The following FAM174A variants were observed in gnomAD, a reference collection of about 807,000 sequenced individuals.
FAM174A encodes the protein membrane protein FAM174A.
FAM174A carries 14 observed loss-of-function variants against 14.3 expected under a neutral mutation model. That is an observed-to-expected ratio of 0.98 (90% confidence interval 0.65 to 1.53). The LOEUF (loss-of-function observed/expected upper bound fraction) is 1.53, where lower values mean the gene tolerates loss of function less well. Among genes scored for constraint, FAM174A ranks in the 40% most tolerant of loss-of-function variants. The pLI, the probability that FAM174A is intolerant of heterozygous loss-of-function variation, is 0.00. For missense variants in FAM174A, 241 were observed against 249.6 expected (o/e 0.97, Z 0.23); for synonymous variants, 108 against 111.4 (o/e 0.97, Z 0.19).
intron 2 of FAM174A, chr5:100,581,309 A>G (rs1051491029): frequency 1.1e-6 from 1 of 887,508 alleles, no homozygotes; most frequent in African/African-American, 1.8e-5. Context: ...ATCCTTAGCT[A>G]CTTTTCTCAT....
intron 2 of FAM174A, among the ~76,000 whole-genome samples, chr5:100,584,109 C>T (rs1747073767): frequency 6.6e-6 from 1 of 152,132 alleles, no homozygotes; most frequent in Non-Finnish European, 1.5e-5. Context: ...ATCAGTGGAA[C>T]CAGTCCAGAA....
intron 1 of FAM174A, among the ~76,000 whole-genome samples, chr5:100,542,844 A>ATGTGTG (rs1206412099): frequency 2.7e-5 from 4 of 149,306 alleles, no homozygotes; most frequent in African/African-American, 1.0e-4. Flanking sequence ...TTATATATAT[A>ATGTGTG]TATGTGTGTG....
intron 1 of FAM174A, among the ~76,000 whole-genome samples, chr5:100,545,100 T>C (rs1019512926): frequency 6.6e-6 from 1 of 152,214 alleles, no homozygotes; most frequent in African/African-American, 2.4e-5. Flanking sequence ...TGTCATGATC[T>C]CCAGTGCCCA....
chr5:100,545,927 G>C (rs1361109550), intron 1 of FAM174A, among the ~76,000 whole-genome samples: 3 of 151,884 alleles, frequency 2.0e-5, no homozygotes, highest in African/African-American at 7.3e-5. Context: ...AATTTATATA[G>C]ATGTATACAA....
In FAM174A at chr5:100,535,405, C is replaced by G; in HGVS notation, c.-126C>G. 2 of 1,031,198 alleles carry G rather than the reference C, an allele frequency of 1.9e-6. No homozygotes were observed. Among genetic ancestry groups the G allele is most frequent in the Non-Finnish European group, 2.9e-6 (2 of 699,358 alleles). 63.9% of individuals were successfully genotyped at this position (1,031,198 alleles called of 1,614,324 possible). A position where few individuals can be genotyped will look rare whatever the true frequency, so the allele number is the denominator to read the frequency against. The stretch of plus-strand genomic sequence containing the variant: ...CACTGCTGTAGCTTCTGCCACCTGC[C>G]ACGACCGGGCCTCTCCCTGGCGTTT... On this transcript the variant is annotated 5_prime_UTR_variant, in exon 1 of 3. Transcript: ENST00000312637.
intron 2 of FAM174A, among the ~76,000 whole-genome samples, chr5:100,578,008 C>A (rs965530258): frequency 1.3e-5 from 2 of 152,058 alleles, no homozygotes; most frequent in African/African-American, 4.8e-5. Flanking sequence ...GTGTAGGATA[C>A]AGCATAGCGC....
chr5:100,581,195 G>A (rs1747004241), intron 2 of FAM174A, among the ~76,000 whole-genome samples: 1 of 152,118 alleles, frequency 6.6e-6, no homozygotes, highest in Non-Finnish European at 1.5e-5. Context: ...CTCCCAAAGT[G>A]CAGGGATTAC....
chr5:100,573,989 C>G (rs1033045250), intron 2 of FAM174A, among the ~76,000 whole-genome samples: 1 of 151,938 alleles, frequency 6.6e-6, no homozygotes, highest in African/African-American at 2.4e-5. Context: ...TGTGACATTT[C>G]CTAATAAAAC....
At chr5:100,564,971 C>T (rs949222281) in intron 2 of FAM174A, among the ~76,000 whole-genome samples, 1 of 151,876 alleles carries the variant, frequency 6.6e-6, no homozygotes, top group African/African-American at 2.4e-5. Flanking sequence ...ACTCGTCCTT[C>T]TCAAATTATT....
At chr5:100,573,964 T>A (rs1746849174) in intron 2 of FAM174A, among the ~76,000 whole-genome samples, 1 of 152,110 alleles carries the variant, frequency 6.6e-6, no homozygotes, top group African/African-American at 2.4e-5. Context: ...TGAGGGTTTT[T>A]TTTTCTTAAT....
At chr5:100,537,976 G>GA (rs1266895409) in intron 1 of FAM174A, among the ~76,000 whole-genome samples, 4 of 152,044 alleles carry the variant, frequency 2.6e-5, no homozygotes, top group African/African-American at 9.7e-5. Flanking sequence ...GACAGATACA[G>GA]TCCTTCCAAT....
chr5:100,543,730 A>G (rs1746111376), intron 1 of FAM174A, among the ~76,000 whole-genome samples: 1 of 152,188 alleles, frequency 6.6e-6, no homozygotes, highest in Admixed American at 6.5e-5. Context: ...GGCTGGGACT[A>G]CCGGCCATCA....
intron 2 of FAM174A, among the ~76,000 whole-genome samples, chr5:100,566,360 G>A (rs1580373566): frequency 1.3e-5 from 2 of 151,312 alleles, no homozygotes; most frequent in East Asian, 3.9e-4. Context: ...AAATAGTCAA[G>A]CTTATAGTAG....
At chr5:100,550,491 CAATT>C (rs1425251640) in intron 1 of FAM174A, among the ~76,000 whole-genome samples, 2 of 152,090 alleles carry the variant, frequency 1.3e-5, no homozygotes, top group Non-Finnish European at 2.9e-5. Flanking sequence ...ATATTTTACT[CAATT>C]AATTTGTTTA....
intron 1 of FAM174A, among the ~76,000 whole-genome samples, chr5:100,543,618 C>A (rs1183957429): frequency 6.6e-6 from 1 of 151,874 alleles, no homozygotes; most frequent in Non-Finnish European, 1.5e-5. Flanking sequence ...GACATGGAGT[C>A]TCCCTCTGTC....
chr5:100,573,630 C>T (rs1162150403), intron 2 of FAM174A, among the ~76,000 whole-genome samples: 2 of 150,818 alleles, frequency 1.3e-5, no homozygotes, highest in South Asian at 2.1e-4. Context: ...GAATCAATAT[C>T]GTGAAAATGG....
chr5:100,560,457 C>G (rs1746500241), intron 1 of FAM174A, among the ~76,000 whole-genome samples: 1 of 151,980 alleles, frequency 6.6e-6, no homozygotes, highest in African/African-American at 2.4e-5. Flanking sequence ...CTATGCTTAA[C>G]TCTCTGTTTC....
intron 1 of FAM174A, among the ~76,000 whole-genome samples, chr5:100,557,412 C>G (rs2112380488): frequency 6.6e-6 from 1 of 152,142 alleles, no homozygotes; most frequent in Admixed American, 6.5e-5. Flanking sequence ...TTTGTTGTGT[C>G]TCTGCCAGGC....
Position 100,535,871 on chromosome 5 carries a change from A to G in FAM174A, c.341A>G (p.Asn114Ser), listed in dbSNP as rs755911105. 4 of 1,612,946 alleles carry G rather than the reference A, an allele frequency of 2.5e-6. No individual in the cohort carries two copies. The South Asian group carries it at 4.4e-5, about 18-fold the overall frequency. Residue 114 changes from asparagine to serine, a missense_variant, in exon 1 of 3, where the codon AAC (asparagine) becomes AGC (serine). By Grantham distance (46) the Asn-to-Ser change is conservative (BLOSUM62 1). Transcript: ENST00000312637. ...GGTGGCGGCCTTGCTGTGAGCCCCAACCCTGGCGACAAGCCCATGACCCAG... is the reference window on the plus strand; with the variant it reads ...GGTGGCGGCCTTGCTGTGAGCCCCAGCCCTGGCGACAAGCCCATGACCCAG... ...SVGGGLAVSPNPGDKPMTQRA... is the reference protein window; with the variant it reads ...SVGGGLAVSPSPGDKPMTQRA...
Sources: allele counts gnomAD v4.1 joint callset (sites outside exome capture counted in the v4.1 genomes callset), GRCh38; gene constraint gnomAD v4.1.1; transcripts MANE v1.5; gene names NCBI Gene and HGNC (gene_info 2026-07-23, HGNC 2026-07-21).